Variants in CRPPA observed in about 807,000 individuals in gnomAD.
CRPPA encodes CDP-L-ribitol pyrophosphorylase A, also known as D-ribitol-5-phosphate cytidylyltransferase.
In CRPPA, 43 loss-of-function variants were observed where a neutral mutation model predicts 52.0. The ratio of observed to expected loss-of-function variants is 0.83; its 90% CI spans 0.65 to 1.07. The LOEUF is 1.07. Ranked by LOEUF, CRPPA falls within the 50% of genes least tolerant of loss-of-function variation. The pLI, the probability that CRPPA is intolerant of heterozygous loss-of-function variation, is 0.00. For synonymous variants in CRPPA, 250 were observed against 203.5 expected, an observed-to-expected ratio of 1.23 and a Z score of -1.94; for missense variants, 629 against 551.7, an observed-to-expected ratio of 1.14 and a Z score of -1.40.
At chr7:16,291,332 T>A (rs986238969) in intron 5 of CRPPA, among the ~76,000 whole-genome samples, 1 of 151,866 alleles carries the variant, frequency 6.6e-6, no homozygotes, top group Non-Finnish European at 1.5e-5. Flanking sequence ...ATATACAAAA[T>A]CAACCTAAGC....
intron 9 of CRPPA, among the ~76,000 whole-genome samples, chr7:16,171,384 C>CT (rs1781182948): frequency 6.6e-6 from 1 of 152,002 alleles, no homozygotes; most frequent in African/African-American, 2.4e-5. Context: ...TTAAATGTAT[C>CT]TTGTTGATTT....
chr7:16,134,128 T>G (rs1211461811), intron 9 of CRPPA, among the ~76,000 whole-genome samples: 2 of 124,510 alleles, frequency 1.6e-5, no homozygotes, highest in Admixed American at 8.0e-5. Flanking sequence ...AGACGGGGTT[T>G]CACCATGTTA....
At chr7:16,398,159 C>G (rs1283734771) in intron 2 of CRPPA, among the ~76,000 whole-genome samples, 1 of 152,000 alleles carries the variant, frequency 6.6e-6, no homozygotes, top group African/African-American at 2.4e-5. Context: ...ATGTGAATGA[C>G]ACAATTGACA....
intron 8 of CRPPA, among the ~76,000 whole-genome samples, chr7:16,224,904 CAG>C (rs923783649): frequency 6.6e-6 from 1 of 152,052 alleles, no homozygotes; most frequent in Admixed American, 6.6e-5. Flanking sequence ...AAAATTAAAT[CAG>C]AGTCATCATC....
intron 6 of CRPPA, among the ~76,000 whole-genome samples, chr7:16,272,948 C>A (rs944156276): frequency 7.4e-5 from 11 of 148,754 alleles, no homozygotes; most frequent in African/African-American, 2.5e-4. Flanking sequence ...TATTCATATC[C>A]TTTGTCGCTT....
chr7:16,359,154 C>T (rs1387905895), intron 3 of CRPPA, among the ~76,000 whole-genome samples: 1 of 152,102 alleles, frequency 6.6e-6, no homozygotes, highest in East Asian at 1.9e-4. Flanking sequence ...CAGAGTCTCC[C>T]TCTGTCACCC....
At chr7:16,277,821 G>T (rs978108002) in intron 6 of CRPPA, among the ~76,000 whole-genome samples, 1 of 152,024 alleles carries the variant, frequency 6.6e-6, no homozygotes, top group East Asian at 1.9e-4. Context: ...TAAGCATCTA[G>T]CATGTGCTGG....
chr7:16,177,450 G>A (rs1468155306), intron 9 of CRPPA, among the ~76,000 whole-genome samples: 1 of 152,048 alleles, frequency 6.6e-6, no homozygotes, highest in Non-Finnish European at 1.5e-5. Flanking sequence ...CACAATCAAG[G>A]TTGCGGAGAT....
At chr7:16,269,810 C>G (rs1490528690) in intron 6 of CRPPA, 2 of 152,078 alleles carry the variant, frequency 1.3e-5, no homozygotes, top group Non-Finnish European at 2.9e-5. Context: ...CACACAAATA[C>G]TTGACATAAA....
At chr7:16,409,744 GACATT>G (rs1181796163) in intron 1 of CRPPA, among the ~76,000 whole-genome samples, 1 of 152,066 alleles carries the variant, frequency 6.6e-6, no homozygotes, top group Non-Finnish European at 1.5e-5. Flanking sequence ...AATATACAAA[GACATT>G]ACATTACTTT....
chr7:16,277,342 G>T (rs1044353917), intron 6 of CRPPA: 6 of 121,192 alleles, frequency 5.0e-5, no homozygotes, highest in African/African-American at 1.9e-4. Flanking sequence ...CTCCAGCTTG[G>T]CAACAGAGTG....
intron 9 of CRPPA, among the ~76,000 whole-genome samples, chr7:16,112,600 G>T (rs142008662): frequency 1.3e-5 from 2 of 152,258 alleles, no homozygotes; most frequent in Non-Finnish European, 2.9e-5. Flanking sequence ...TGGAATATGG[G>T]AAAAGTAGTT....
intron 3 of CRPPA, among the ~76,000 whole-genome samples, chr7:16,361,082 T>A (rs1333407734): frequency 6.6e-6 from 1 of 152,102 alleles, no homozygotes; most frequent in South Asian, 2.1e-4. Context: ...AGAAGATATA[T>A]AAAAATGGCC....
In CRPPA at chr7:16,421,237, G is replaced by C; in HGVS notation, c.86C>G (p.Ser29Cys). 1 of 1,331,360 alleles carries C rather than the reference G, an allele frequency of 7.5e-7. No homozygotes were observed. Among genetic ancestry groups the C allele is most frequent in the East Asian group, 3.1e-5 (1 of 32,064 alleles). 82.5% of individuals were successfully genotyped at this position (1,331,360 alleles called of 1,614,324 possible). A position where few individuals can be genotyped will look rare whatever the true frequency, so the allele number is the denominator to read the frequency against. The change falls in exon 1 of 10, where the codon TCC becomes TGC. Residue 29 changes from serine to cysteine, a missense_variant. By Grantham distance (112) the Ser-to-Cys change is moderately radical. Coordinates refer to ENST00000407010, the MANE Select transcript of CRPPA (RefSeq NM_001101426.4). ...CCCGGCCACGCTCTGCAGGGAGGCG[G>C]AAGCCGTGTGGTCCGCGCCGCGCTG... ...SGQRGADHTA[S>C]ASLQSVAGTE...
chr7:16,407,193 G>C (rs964771752), intron 1 of CRPPA, among the ~76,000 whole-genome samples: 3 of 152,130 alleles, frequency 2.0e-5, no homozygotes, highest in African/African-American at 7.2e-5. Context: ...GCCCAGGCTA[G>C]TCTTCAACTC....
chr7:16,099,654 G>GA (rs1408080906), intron 9 of CRPPA, among the ~76,000 whole-genome samples: 1 of 152,084 alleles, frequency 6.6e-6, no homozygotes, highest in African/African-American at 2.4e-5. Context: ...TTGCAGTGAG[G>GA]AAAAATGTAG....
At chr7:16,348,291 T>C (rs1786064938) in intron 3 of CRPPA, among the ~76,000 whole-genome samples, 1 of 152,172 alleles carries the variant, frequency 6.6e-6, no homozygotes, top group Admixed American at 6.5e-5. Flanking sequence ...TTCTTAACTC[T>C]TCAAGAGGAG....
intron 3 of CRPPA, among the ~76,000 whole-genome samples, chr7:16,375,468 C>G (rs1052394821): frequency 2.0e-5 from 3 of 152,114 alleles, no homozygotes; most frequent in Admixed American, 6.6e-5. Flanking sequence ...AAAGAAATTA[C>G]TTGATTTTTA....
chr7:16,317,803 T>C (rs1348046927), intron 3 of CRPPA, among the ~76,000 whole-genome samples: 1 of 152,204 alleles, frequency 6.6e-6, no homozygotes, highest in Non-Finnish European at 1.5e-5. Context: ...TATTTTCAAT[T>C]GTTTGAGGAA....
Sources: allele counts gnomAD v4.1 joint callset (sites outside exome capture counted in the v4.1 genomes callset), GRCh38; gene constraint gnomAD v4.1.1; transcripts MANE v1.5; gene names NCBI Gene and HGNC (gene_info 2026-07-23, HGNC 2026-07-21).